Variants in CAMTA1 observed in about 807,000 individuals in gnomAD.
The protein encoded by CAMTA1 is calmodulin-binding transcription activator 1.
A neutral mutation model predicts 170.9 loss-of-function variants in CAMTA1; 27 were observed. That is an observed-to-expected ratio of 0.16 (90% CI 0.12 to 0.22). CAMTA1 has a LOEUF of 0.22. Ranked by LOEUF, CAMTA1 falls within the 10% of genes least tolerant of loss-of-function variation. CAMTA1 has a pLI of 1.00. For synonymous variants in CAMTA1, 833 were observed against 891.5 expected (o/e 0.93, Z 1.17); for missense variants, 1,619 against 2,217.2 (o/e 0.73, Z 5.42).
intron 1 of CAMTA1, among the ~76,000 whole-genome samples, chr1:6,812,028 C>G (rs1406010780): frequency 6.6e-6 from 1 of 152,224 alleles, no homozygotes; most frequent in African/African-American, 2.4e-5. Context: ...TATGTGGTAG[C>G]ATTCTGTTCC....
intron 1 of CAMTA1, among the ~76,000 whole-genome samples, chr1:6,786,412 A>G (rs531193525): frequency 2.1e-4 from 32 of 151,878 alleles, no homozygotes; most frequent in Admixed American, 3.9e-4. Flanking sequence ...ACCTTCCGTG[A>G]CCCCGATCCT....
chr1:7,362,073 A>G (rs894522760), intron 5 of CAMTA1, among the ~76,000 whole-genome samples: 1 of 152,260 alleles, frequency 6.6e-6, no homozygotes, highest in African/African-American at 2.4e-5. Flanking sequence ...CCTAATTTCA[A>G]ATGGTCACAC....
At chr1:6,876,715 C>T (rs1463997164) in intron 3 of CAMTA1, among the ~76,000 whole-genome samples, 1 of 152,184 alleles carries the variant, frequency 6.6e-6, no homozygotes, top group East Asian at 1.9e-4. Context: ...GAAGTAGGTA[C>T]TGCCCGTCAT....
intron 5 of CAMTA1, among the ~76,000 whole-genome samples, chr1:7,467,005 C>T: frequency 6.6e-6 from 1 of 152,112 alleles, no homozygotes; most frequent in East Asian, 1.9e-4. Context: ...CCCAGCTCTA[C>T]ACACGCAGGC....
intron 3 of CAMTA1, among the ~76,000 whole-genome samples, chr1:6,888,408 A>G (rs910245867): frequency 1.3e-5 from 2 of 152,218 alleles, no homozygotes; most frequent in Non-Finnish European, 2.9e-5. Context: ...CAGACTTACT[A>G]TATGTGATGG....
intron 5 of CAMTA1, among the ~76,000 whole-genome samples, chr1:7,310,700 C>CTCTTTCTTTCTT (rs71571885): frequency 1.3e-3 from 72 of 53,348 alleles, no homozygotes; most frequent in African/African-American, 1.7e-3. Context: ...CTCTCTCTCT[C>CTCTTTCTTTCTT]TCTTTCTTTC....
In CAMTA1 at chr1:6,839,274, C is replaced by T. The variant is rs569341629; in HGVS notation, c.234+14064C>T. On this transcript the variant is annotated intron_variant, in intron 3 of 22. Coordinates refer to ENST00000303635, the MANE Select transcript of CAMTA1 (RefSeq NM_015215.4). Reference sequence around the variant, plus strand: ...GCATGTGCCTGTAATCCCAGCTACTCGGGAGGCTGAGGCAGGAGAATCACT... The same window carrying T: ...GCATGTGCCTGTAATCCCAGCTACTTGGGAGGCTGAGGCAGGAGAATCACT... Among the ~76,000 whole-genome samples, 439 of 151,668 alleles carry T rather than the reference C, an allele frequency of 2.9e-3. 3 individuals carry two copies. The highest frequency in any genetic ancestry group is 0.01 in the African/African-American group (420 of 41,358).
intron 3 of CAMTA1, among the ~76,000 whole-genome samples, chr1:6,928,247 C>G (rs1008722825): frequency 6.6e-6 from 1 of 152,214 alleles, no homozygotes; most frequent in Admixed American, 6.5e-5. Flanking sequence ...TCTTGCCGTT[C>G]AGAGCAGAGA....
intron 3 of CAMTA1, among the ~76,000 whole-genome samples, chr1:6,977,402 G>A (rs1032451913): frequency 3.3e-5 from 5 of 151,706 alleles, no homozygotes; most frequent in Admixed American, 1.3e-4. Context: ...GTGCAGTGGC[G>A]CAGTCTCGGC....
chr1:6,987,729 T>C (rs745519794), intron 3 of CAMTA1, among the ~76,000 whole-genome samples: 2 of 152,232 alleles, frequency 1.3e-5, no homozygotes, highest in Non-Finnish European at 2.9e-5. Context: ...TTGGATGCAA[T>C]GTGGGAGGCA....
At chr1:7,410,321 G>T (rs1470648670) in intron 5 of CAMTA1, among the ~76,000 whole-genome samples, 1 of 152,212 alleles carries the variant, frequency 6.6e-6, no homozygotes, top group African/African-American at 2.4e-5. Flanking sequence ...AGGGCCTGCG[G>T]CAGAGCTGCC....
chr1:7,153,803 C>T (rs568783014), intron 4 of CAMTA1, among the ~76,000 whole-genome samples: 24 of 152,284 alleles, frequency 1.6e-4, no homozygotes, highest in African/African-American at 5.5e-4. Flanking sequence ...ATGACAGGGA[C>T]GCATTCTAGG....
At chr1:7,020,914 C>T (rs1701248824) in intron 3 of CAMTA1, among the ~76,000 whole-genome samples, 1 of 152,216 alleles carries the variant, frequency 6.6e-6, no homozygotes, top group African/African-American at 2.4e-5. Context: ...GGCCACCAGG[C>T]AGCCCTCACC....
intron 3 of CAMTA1, among the ~76,000 whole-genome samples, chr1:6,941,952 G>A (rs538116665): frequency 5.9e-5 from 9 of 152,354 alleles, no homozygotes; most frequent in Admixed American, 1.3e-4. Context: ...AAAACTTGCC[G>A]AGGATGGACA....
chr1:7,565,539 G>A lies in CAMTA1; in HGVS notation c.511-74861G>A, dbSNP rs370989954. 2.0e-4 allele frequency among the ~76,000 whole-genome samples: 30 copies of A among 152,268 alleles called. No homozygotes were observed. The East Asian group carries it at 2.9e-3, about 15-fold the overall frequency. On this transcript the variant is annotated intron_variant, in intron 6 of 22. Coordinates refer to ENST00000303635, the MANE Select transcript of CAMTA1 (RefSeq NM_015215.4). The surrounding 1 kb of genome is among the most constrained non-coding windows in gnomAD (Gnocchi z 4.5). Reference sequence around the variant, plus strand: ...CAGAGAGCCTGGCTCTAGGCTGTCCGGAACAGCAGGACGGGGCTGGCAGAG... The same window carrying A: ...CAGAGAGCCTGGCTCTAGGCTGTCCAGAACAGCAGGACGGGGCTGGCAGAG...
rs564090498 is a variant in CAMTA1, at chr1:7,007,019, A to C, written c.235-84285A>C. 6.6e-5 allele frequency among the ~76,000 whole-genome samples: 10 copies of C among 151,686 alleles called. 1 individual carries two copies. Among genetic ancestry groups the C allele is most frequent in the African/African-American group, 2.2e-4 (9 of 41,248 alleles). ...CAGATGGTAGTAAAAAAAAAAAAAA[A>C]AAATAAGAATTTTTGGATACGGTAT... On this transcript the variant is annotated intron_variant, in intron 3 of 22. Coordinates refer to ENST00000303635, the MANE Select transcript of CAMTA1 (RefSeq NM_015215.4). This position sits in a 1 kb window ranked among gnomAD's most constrained non-coding sequence, Gnocchi z 4.5.
At chr1:6,919,403 C>T (rs374870801) in intron 3 of CAMTA1, among the ~76,000 whole-genome samples, 2 of 152,164 alleles carry the variant, frequency 1.3e-5, no homozygotes, top group African/African-American at 4.8e-5. Context: ...CAGCCATGAC[C>T]AGTGAGCTGC....
intron 5 of CAMTA1, among the ~76,000 whole-genome samples, chr1:7,364,903 CA>C (rs1327932639): frequency 6.6e-6 from 1 of 152,208 alleles, no homozygotes; most frequent in Admixed American, 6.5e-5. Flanking sequence ...ATGAATGAGC[CA>C]CCTGTCAAAC....
intron 3 of CAMTA1, among the ~76,000 whole-genome samples, chr1:6,882,619 C>T (rs547110133): frequency 6.6e-6 from 1 of 152,134 alleles, no homozygotes; most frequent in South Asian, 2.1e-4. Context: ...TTGTGTTTTG[C>T]ACCTGTTGAC....
Sources: allele counts gnomAD v4.1 joint callset (sites outside exome capture counted in the v4.1 genomes callset), GRCh38; gene constraint gnomAD v4.1.1; non-coding constraint Gnocchi (gnomAD v3.1); transcripts MANE v1.5; gene names NCBI Gene and HGNC (gene_info 2026-07-23, HGNC 2026-07-21).